Variants in MTFR1 observed in about 807,000 individuals in gnomAD.
The protein encoded by MTFR1 is mitochondrial fission regulator 1, also known as chondrocyte protein with a poly-proline region.
A neutral mutation model predicts 38.8 loss-of-function variants in MTFR1; 28 were observed. The observed-to-expected ratio is 0.72, with a 90% CI of 0.53 to 0.99. MTFR1 has a LOEUF of 0.99. Ranked by LOEUF, MTFR1 falls within the 50% of genes least tolerant of loss-of-function variation. The pLI is 0.00. For missense variants in MTFR1, 358 were observed against 395.5 expected (o/e 0.91, Z 0.81); for synonymous variants, 145 against 137.0 (o/e 1.06, Z -0.41).
chr8:65,747,647 C>T (rs1807738265), intron 3 of MTFR1: 2 of 1,582,612 alleles, frequency 1.3e-6, no homozygotes, highest in African/African-American at 1.4e-5. Context: ...AAAAACTATA[C>T]ACACCTTGGC....
chr8:65,724,915 T>C, intron 3 of MTFR1: 2 of 1,590,338 alleles, frequency 1.3e-6, no homozygotes, highest in Non-Finnish European at 1.7e-6. Context: ...GTGTCTCCAT[T>C]TGTTGCCTGG....
chr8:65,727,398 G>T, intron 3 of MTFR1: 1 of 1,523,952 alleles, frequency 6.6e-7, no homozygotes. Flanking sequence ...GGTAGTGGTG[G>T]TAATCTCCTC....
intron 1 of MTFR1, among the ~76,000 whole-genome samples, chr8:65,655,422 G>GA (rs1452288361): frequency 2.0e-5 from 3 of 152,114 alleles, no homozygotes; most frequent in Non-Finnish European, 2.9e-5. Context: ...CTTGTGGACT[G>GA]AAAAAATGAC....
At chr8:65,661,363 A>G (rs926836070) in intron 1 of MTFR1, among the ~76,000 whole-genome samples, 1 of 152,218 alleles carries the variant, frequency 6.6e-6, no homozygotes, top group Non-Finnish European at 1.5e-5. Context: ...TCTAAAAAAT[A>G]AACTCTGTTT....
intron 2 of MTFR1, among the ~76,000 whole-genome samples, chr8:65,674,421 G>A (rs1370745652): frequency 6.6e-6 from 1 of 151,502 alleles, no homozygotes; most frequent in Admixed American, 6.6e-5. Flanking sequence ...AAGCCAGCCT[G>A]GATAATACAG....
At chr8:65,689,591 G>A (rs545390909) in intron 3 of MTFR1, 65 of 1,275,952 alleles carry the variant, frequency 5.1e-5, no homozygotes, top group Non-Finnish European at 6.3e-5. Flanking sequence ...ACCTTGCTGG[G>A]AACCTTCAGT....
chr8:65,746,239 ATT>A (rs767119138), intron 3 of MTFR1, among the ~76,000 whole-genome samples: 1 of 152,074 alleles, frequency 6.6e-6, no homozygotes, highest in East Asian at 1.9e-4. Context: ...CAGCCCAGGC[ATT>A]GTTTTCAATT....
chr8:65,765,284 T>TC (rs1808713524), intron 3 of MTFR1, among the ~76,000 whole-genome samples: 2 of 150,894 alleles, frequency 1.3e-5, no homozygotes, highest in East Asian at 3.9e-4. Context: ...GGTCAGGAGA[T>TC]CGAGACCATC....
At chr8:65,689,537 CT>C (rs748829651) in intron 3 of MTFR1, 96 of 1,222,074 alleles carry the variant, frequency 7.9e-5, no homozygotes, top group Admixed American at 2.9e-4. Context: ...TATCTCTTCA[CT>C]TTTTTTTTCT....
intron 1 of MTFR1, among the ~76,000 whole-genome samples, chr8:65,663,100 TGGG>T (rs1804242119): frequency 6.6e-6 from 1 of 151,882 alleles, no homozygotes; most frequent in Non-Finnish European, 1.5e-5. Flanking sequence ...GGGGGAAAGG[TGGG>T]GAAAAGATTG....
At chr8:65,757,897 G>A (rs137887935) in intron 3 of MTFR1, among the ~76,000 whole-genome samples, 1,743 of 152,302 alleles carry the variant, frequency 0.011, 37 homozygotes, top group African/African-American at 0.04. Context: ...GATTACAGGT[G>A]TGAGCCACCA....
At chr8:65,747,675 C>T in intron 3 of MTFR1, 1 of 1,609,126 alleles carries the variant, frequency 6.2e-7, no homozygotes, top group Non-Finnish European at 8.5e-7. Context: ...TTATAATCAT[C>T]ATCTAAAATG....
At chr8:65,772,898 C>A (rs1447651903), downstream of MTFR1, among the ~76,000 whole-genome samples, 1 of 152,172 alleles carries the variant, frequency 6.6e-6, no homozygotes, top group African/African-American at 2.4e-5. Context: ...ATCCCAGCTA[C>A]TTGGGAGGCT....
intron 2 of MTFR1, chr8:65,719,240 C>T (rs1474786286): frequency 1.5e-6 from 2 of 1,315,056 alleles, no homozygotes; most frequent in East Asian, 4.6e-5. Context: ...GACCCCATTT[C>T]ACATTTCTAA....
intron 2 of MTFR1, among the ~76,000 whole-genome samples, chr8:65,716,720 G>C (rs1806157157): frequency 6.6e-6 from 1 of 152,312 alleles, no homozygotes; most frequent in East Asian, 1.9e-4. Flanking sequence ...GTTACTGTGA[G>C]CTTGGTTAAT....
At chr8:65,745,698 T>G (rs1013947803) in intron 3 of MTFR1, among the ~76,000 whole-genome samples, 2 of 152,248 alleles carry the variant, frequency 1.3e-5, no homozygotes, top group Non-Finnish European at 2.9e-5. Flanking sequence ...AATTAATGAA[T>G]GCACAGGAAG....
chr8:65,723,685 A>T, intron 3 of MTFR1: 1 of 1,145,162 alleles, frequency 8.7e-7, no homozygotes, highest in Non-Finnish European at 1.2e-6. Flanking sequence ...ATATAATTAA[A>T]GGCTTGAACA....
chr8:65,738,117 TA>T (rs1210588379), intron 3 of MTFR1, among the ~76,000 whole-genome samples: 4 of 152,090 alleles, frequency 2.6e-5, no homozygotes, highest in Non-Finnish European at 5.9e-5. Context: ...ATGTTTACAC[TA>T]TAGTCTATTA....
intron 4 of MTFR1, among the ~76,000 whole-genome samples, chr8:65,695,150 C>T (rs1489057328): frequency 6.6e-6 from 1 of 152,096 alleles, no homozygotes; most frequent in Middle Eastern, 3.2e-3. Flanking sequence ...AATAGACCAA[C>T]TAGGAGATGA....
Sources: allele counts gnomAD v4.1 joint callset (sites outside exome capture counted in the v4.1 genomes callset), GRCh38; gene constraint gnomAD v4.1.1; transcripts MANE v1.5; gene names NCBI Gene and HGNC (gene_info 2026-07-23, HGNC 2026-07-21).